The following ADORA2B variants were observed in gnomAD, a reference collection of about 807,000 sequenced individuals.
ADORA2B encodes the protein adenosine receptor A2b.
In ADORA2B, 18 loss-of-function variants were observed where a neutral mutation model predicts 20.8. That is an observed-to-expected ratio of 0.87 (90% CI 0.60 to 1.29). The LOEUF is 1.29. Among genes scored for constraint, ADORA2B ranks in the 50% most tolerant of loss-of-function variants. The pLI, the probability that ADORA2B is intolerant of heterozygous loss-of-function variation, is 0.00. For missense variants in ADORA2B, 441 were observed against 422.7 expected (o/e 1.04, Z -0.38); for synonymous variants, 179 against 178.3 (o/e 1.00, Z -0.03).
chr17:15,865,214 A>G, the ADORA2B span, among the ~76,000 whole-genome samples: 1 of 152,230 alleles, frequency 6.6e-6, no homozygotes, highest in South Asian at 2.1e-4. Flanking sequence ...CGTGTGAAAC[A>G]CTATACACAA....
At chr17:15,857,019 C>G in the ADORA2B span, among the ~76,000 whole-genome samples, 1 of 152,190 alleles carries the variant, frequency 6.6e-6, no homozygotes, top group African/African-American at 2.4e-5. Flanking sequence ...GCCCAGTGAC[C>G]TAGGAGTTAA....
At chr17:15,898,138 G>A in the ADORA2B span, among the ~76,000 whole-genome samples, 1 of 152,166 alleles carries the variant, frequency 6.6e-6, no homozygotes, top group Non-Finnish European at 1.5e-5. Flanking sequence ...GGGTGGAGTA[G>A]CAGGGATCTC....
the ADORA2B span, among the ~76,000 whole-genome samples, chr17:15,923,908 T>C: frequency 6.6e-6 from 1 of 152,108 alleles, no homozygotes; most frequent in Non-Finnish European, 1.5e-5. Flanking sequence ...TTTTTGTTGT[T>C]GTTATTGTTT....
intron 1 of ADORA2B, among the ~76,000 whole-genome samples, chr17:15,951,001 G>A (rs762662717): frequency 1.3e-5 from 2 of 152,154 alleles, no homozygotes; most frequent in Non-Finnish European, 2.9e-5. Context: ...GCGCGATGCC[G>A]GCACAGGCTA....
the ADORA2B span, among the ~76,000 whole-genome samples, chr17:15,867,687 G>T: frequency 6.8e-6 from 1 of 148,098 alleles, no homozygotes; most frequent in Non-Finnish European, 1.5e-5. Flanking sequence ...TCAGCCCCCC[G>T]CCCGGCCAGC....
chr17:15,851,413 G>T, the ADORA2B span, among the ~76,000 whole-genome samples: 10 of 150,200 alleles, frequency 6.7e-5, no homozygotes, highest in Non-Finnish European at 1.0e-4. Context: ...CAAGATCTAG[G>T]ATCAGCCTTG....
chr17:15,945,405 G>T lies in ADORA2B; in HGVS notation c.157G>T (p.Asp53Tyr). 6.2e-7 allele frequency: 1 copy of T among 1,613,500 alleles called. No individual in the cohort carries two copies. The highest frequency in any genetic ancestry group is 8.5e-7 in the Non-Finnish European group (1 of 1,179,964). The stretch of plus-strand genomic sequence containing the variant: ...CTTCCTGGTGTCCCTGGCTGCGGCC[G>T]ACGTGGCCGTGGGGCTCTTCGCCAT... ...NYFLVSLAAA[D>Y]VAVGLFAIPF... Residue 53 changes from aspartate to tyrosine, a missense_variant, in exon 1 of 2, where the codon GAC becomes TAC. Transcript: ENST00000304222.
chr17:15,954,775 T>A lies in ADORA2B; in HGVS notation c.335+9192T>A, dbSNP rs192779847. ...GAGTGAGACCCTGTCTCAAAAAAAA[T>A]TTTTTATTTCTCACATATGATTGGT... On this transcript the variant is annotated intron_variant, in intron 1 of 1. Coordinates refer to ENST00000304222, the MANE Select transcript of ADORA2B (RefSeq NM_000676.4). 3.7e-3 allele frequency among the ~76,000 whole-genome samples: 570 copies of A among 152,146 alleles called. 5 individuals carry two copies. The highest frequency in any genetic ancestry group is 6.2e-3 in the Non-Finnish European group (422 of 67,976).
the ADORA2B span, among the ~76,000 whole-genome samples, chr17:15,931,979 G>T: frequency 6.6e-6 from 1 of 151,998 alleles, no homozygotes; most frequent in African/African-American, 2.4e-5. Flanking sequence ...TGATCCGCCC[G>T]CCTCAGCCTC....
chr17:15,888,007 A>G, the ADORA2B span, among the ~76,000 whole-genome samples: 1 of 115,156 alleles, frequency 8.7e-6, no homozygotes, highest in East Asian at 2.2e-4. Context: ...AGAAGTTGCC[A>G]AACTTGATTT....
the ADORA2B span, among the ~76,000 whole-genome samples, chr17:15,933,117 G>A: frequency 1.6e-4 from 24 of 152,082 alleles, no homozygotes; most frequent in South Asian, 4.6e-3. Flanking sequence ...TACCACGCCC[G>A]ACTAATTTTT....
upstream of ADORA2B, among the ~76,000 whole-genome samples, chr17:15,943,641 C>A (rs144525187): frequency 6.6e-6 from 1 of 152,182 alleles, no homozygotes; most frequent in African/African-American, 2.4e-5. Context: ...ATTACAGCTA[C>A]ATTGAGATAT....
the ADORA2B span, among the ~76,000 whole-genome samples, chr17:15,926,296 A>G: frequency 6.6e-6 from 1 of 151,998 alleles, no homozygotes; most frequent in Admixed American, 6.6e-5. Context: ...GGACGCAGAC[A>G]AGAAACAGCC....
At chr17:15,922,053 T>C in the ADORA2B span, among the ~76,000 whole-genome samples, 108 of 152,332 alleles carry the variant, frequency 7.1e-4, no homozygotes, top group African/African-American at 2.5e-3. Context: ...ACAGTTTATA[T>C]ACTTTTTCAT....
chr17:15,860,300 C>A, the ADORA2B span, among the ~76,000 whole-genome samples: 2 of 152,184 alleles, frequency 1.3e-5, no homozygotes, highest in African/African-American at 2.4e-5. Flanking sequence ...GGGGTTTTGT[C>A]TGCAGCTCTT....
chr17:15,919,052 T>C, the ADORA2B span, among the ~76,000 whole-genome samples: 1 of 152,106 alleles, frequency 6.6e-6, no homozygotes, highest in Admixed American at 6.5e-5. Context: ...CTCCTCTGCT[T>C]CCTGGGCAGC....
chr17:15,857,164 G>C, the ADORA2B span, among the ~76,000 whole-genome samples: 3 of 152,244 alleles, frequency 2.0e-5, no homozygotes, highest in African/African-American at 4.8e-5. Context: ...TTGCTTCAGA[G>C]GGTGCAAGCC....
intron 1 of ADORA2B, among the ~76,000 whole-genome samples, chr17:15,958,786 A>G (rs746852888): frequency 2.0e-5 from 3 of 152,128 alleles, no homozygotes; most frequent in Non-Finnish European, 4.4e-5. Context: ...TCTGGGGGGC[A>G]CACAGGGTTC....
chr17:15,855,590 G>T, the ADORA2B span, among the ~76,000 whole-genome samples: 3 of 150,504 alleles, frequency 2.0e-5, no homozygotes, highest in Non-Finnish European at 4.4e-5. Context: ...TTTTTTTAAT[G>T]GTGGTAAAAC....
Sources: allele counts gnomAD v4.1 joint callset (sites outside exome capture counted in the v4.1 genomes callset), GRCh38; gene constraint gnomAD v4.1.1; transcripts MANE v1.5; gene names NCBI Gene and HGNC (gene_info 2026-07-23, HGNC 2026-07-21).